ANXA8: variants seen among roughly 807,000 people sequenced by gnomAD.
ANXA8 encodes annexin A8, also known as VAC-beta.
Under a neutral mutation model 26.8 loss-of-function variants are expected in ANXA8, and 9 were observed. The observed-to-expected ratio is 0.34, with a 90% confidence interval of 0.20 to 0.59. The LOEUF (loss-of-function observed/expected upper bound fraction) is 0.59, where lower values mean the gene tolerates loss of function less well. Among genes scored for constraint, ANXA8 ranks in the 20% least tolerant of loss-of-function variants. The pLI is 0.84. For missense variants in ANXA8, 83 were observed against 238.5 expected, an observed-to-expected ratio of 0.35 and a Z score of 4.29; for synonymous variants, 39 against 94.8, an observed-to-expected ratio of 0.41 and a Z score of 3.42.
chr10:47,647,332 G>A, the ANXA8 span, among the ~76,000 whole-genome samples: 1 of 150,566 alleles, frequency 6.6e-6, no homozygotes, highest in Non-Finnish European at 1.5e-5. Context: ...ACATTAAATG[G>A]GAGAAATACT....
chr10:47,625,704 C>G, the ANXA8 span, among the ~76,000 whole-genome samples: 1 of 152,194 alleles, frequency 6.6e-6, no homozygotes, highest in Non-Finnish European at 1.5e-5. Context: ...TCTTCACCTA[C>G]TTACTATATT....
the ANXA8 span, among the ~76,000 whole-genome samples, chr10:47,750,336 ATTT>A: frequency 2.2e-5 from 3 of 137,508 alleles, no homozygotes; most frequent in African/African-American, 8.1e-5. Flanking sequence ...ATTAATCTAA[ATTT>A]TATTTATTTA....
the ANXA8 span, among the ~76,000 whole-genome samples, chr10:47,659,093 G>A: frequency 3.3e-5 from 5 of 151,786 alleles, no homozygotes; most frequent in Admixed American, 3.3e-4. Flanking sequence ...GGATGGTCTC[G>A]ATCTCCTGAC....
At chr10:47,717,576 C>T in the ANXA8 span, among the ~76,000 whole-genome samples, 1 of 129,178 alleles carries the variant, frequency 7.7e-6, no homozygotes, top group Admixed American at 7.6e-5. Context: ...AATTTCAGTG[C>T]TCAGCGGAGT....
At chr10:47,952,353 A>G in the ANXA8 span, among the ~76,000 whole-genome samples, 1 of 150,534 alleles carries the variant, frequency 6.6e-6, no homozygotes, top group Non-Finnish European at 1.5e-5. Flanking sequence ...AAGAAATAAT[A>G]ATGTACTTTA....
At chr10:47,503,937 CAAAAAA>C in the ANXA8 span, among the ~76,000 whole-genome samples, 102 of 23,406 alleles carry the variant, frequency 4.4e-3, no homozygotes, top group South Asian at 5.1e-3. Flanking sequence ...GAGAGTCCAT[CAAAAAA>C]AAAAAAAAAA....
At chr10:47,645,109 A>T in the ANXA8 span, among the ~76,000 whole-genome samples, 2 of 151,372 alleles carry the variant, frequency 1.3e-5, no homozygotes, top group African/African-American at 4.9e-5. Flanking sequence ...TAACACTATA[A>T]TATTAATAAC....
chr10:47,533,225 C>CACACACACACACACACA, the ANXA8 span, among the ~76,000 whole-genome samples: 16 of 98,548 alleles, frequency 1.6e-4, 1 homozygote, highest in African/African-American at 5.7e-4. Flanking sequence ...ACACACACAC[C>CACACACACACACACACA]CCCGCAGACA....
chr10:47,939,466 T>C, the ANXA8 span, among the ~76,000 whole-genome samples: 1 of 144,928 alleles, frequency 6.9e-6, no homozygotes, highest in East Asian at 2.1e-4. Context: ...CTGTCCCTCA[T>C]ATGCCAGGCT....
the ANXA8 span, among the ~76,000 whole-genome samples, chr10:47,558,327 A>C: frequency 6.6e-6 from 1 of 151,732 alleles, no homozygotes; most frequent in Non-Finnish European, 1.5e-5. Context: ...GGTGGCCTTG[A>C]TTTTTAGGCC....
At chr10:47,656,233 C>CA in the ANXA8 span, among the ~76,000 whole-genome samples, 1 of 151,404 alleles carries the variant, frequency 6.6e-6, no homozygotes, top group African/African-American at 2.4e-5. Context: ...CTTGTTTCTA[C>CA]AAAAAATACA....
the ANXA8 span, among the ~76,000 whole-genome samples, chr10:47,686,641 C>T: frequency 1.3e-4 from 19 of 151,820 alleles, 1 homozygote; most frequent in South Asian, 8.3e-4. Flanking sequence ...GTGTTTGTTA[C>T]GTGAGTGATT....
chr10:47,678,919 T>C, the ANXA8 span, among the ~76,000 whole-genome samples: 1 of 133,622 alleles, frequency 7.5e-6, no homozygotes, highest in Admixed American at 8.0e-5. Context: ...GGCATGCGAC[T>C]GTAATCTCAG....
At chr10:47,572,200 G>A in the ANXA8 span, among the ~76,000 whole-genome samples, 9 of 142,892 alleles carry the variant, frequency 6.3e-5, no homozygotes, top group African/African-American at 2.4e-4. Context: ...TTCTGTTTTT[G>A]GAAAAGCTTT....
At chr10:47,939,324 G>T in the ANXA8 span, among the ~76,000 whole-genome samples, 258 of 89,042 alleles carry the variant, frequency 2.9e-3, 19 homozygotes, top group African/African-American at 0.011. Context: ...AAAAAAAAAA[G>T]CACAAGTGGC....
chr10:47,687,105 A>AAAAATAAAATAAAATAAAAT, the ANXA8 span, among the ~76,000 whole-genome samples: 1 of 137,384 alleles, frequency 7.3e-6, no homozygotes, highest in African/African-American at 2.7e-5. Context: ...CCCTAACTCA[A>AAAAATAAAATAAAATAAAAT]AAAATAAAAT....
At chr10:47,525,830 G>A in the ANXA8 span, among the ~76,000 whole-genome samples, 3 of 113,888 alleles carry the variant, frequency 2.6e-5, no homozygotes, top group Non-Finnish European at 5.3e-5. Context: ...TTGAGACGGA[G>A]TTTCGTTCTT....
At chr10:47,980,923 T>A in the ANXA8 span, among the ~76,000 whole-genome samples, 2 of 151,582 alleles carry the variant, frequency 1.3e-5, no homozygotes, top group Non-Finnish European at 3.0e-5. Flanking sequence ...TTCTTCACAA[T>A]CTTTTCCAAA....
At chr10:47,475,339 C>A (rs1839493584) in intron 6 of ANXA8, among the ~76,000 whole-genome samples, 154 bp downstream of exon 6, 2 of 152,138 alleles carry the variant, frequency 1.3e-5, no homozygotes, top group Non-Finnish European at 2.9e-5. Flanking sequence ...TTGGGACCCT[C>A]TAACCATGCT....
Sources: gnomAD v4.1 joint callset for allele counts (sites outside exome capture counted in the v4.1 genomes callset) on GRCh38, gnomAD v4.1.1 for gene constraint, MANE v1.5 for transcripts, NCBI Gene and HGNC (gene_info 2026-07-23, HGNC 2026-07-21) for gene names.